The following CHN1 variants were observed in gnomAD, a reference collection of about 807,000 sequenced individuals.
CHN1 encodes chimerin 1.
In CHN1, 37 loss-of-function variants were observed where a neutral mutation model predicts 59.5. That is an observed-to-expected ratio of 0.62 (90% CI 0.48 to 0.82). The LOEUF (loss-of-function observed/expected upper bound fraction) is 0.82, where lower values mean the gene tolerates loss of function less well. CHN1 is among the 40% of genes least tolerant of loss of function. CHN1 has a pLI of 0.00. For synonymous variants in CHN1, 206 were observed against 200.4 expected, an observed-to-expected ratio of 1.03 and a Z score of -0.24; for missense variants, 469 against 571.0, an observed-to-expected ratio of 0.82 and a Z score of 1.82.
At position 174,944,855 on chromosome 2, in the gene CHN1, G is replaced by C. The variant is rs554435506; in HGVS notation, c.114+33C>G. The C allele has an allele frequency of 1.3e-5, 20 of 1,528,594 alleles. No homozygotes were observed. The African/African-American group carries it at 1.6e-4, about 13-fold the overall frequency. 94.7% of individuals were successfully genotyped at this position (1,528,594 alleles called of 1,614,324 possible). A position where few individuals can be genotyped will look rare whatever the true frequency, so the allele number is the denominator to read the frequency against. ...AAGTTTGGGAAACAGATGGTTGAGA[G>C]ACATTTTTTGGTAGCAGTTTCATTA... On this transcript the variant is annotated intron_variant, in intron 3 of 12. Coordinates refer to ENST00000409900, the MANE Select transcript of CHN1 (RefSeq NM_001822.7).
intron 6 of CHN1, among the ~76,000 whole-genome samples, chr2:174,853,950 G>A (rs1686822804): frequency 6.6e-6 from 1 of 152,156 alleles, no homozygotes; most frequent in South Asian, 2.1e-4. Flanking sequence ...AGAAGGGAGA[G>A]GGTGGGATGC....
At chr2:175,001,923 T>C (rs926789007) in intron 1 of CHN1, among the ~76,000 whole-genome samples, 2 of 152,242 alleles carry the variant, frequency 1.3e-5, no homozygotes, top group African/African-American at 4.8e-5. Flanking sequence ...TCCCAGTAAT[T>C]ACTAGAAAAC....
chr2:174,945,930 T>C (rs1264557224), intron 2 of CHN1, among the ~76,000 whole-genome samples: 2 of 151,234 alleles, frequency 1.3e-5, no homozygotes, highest in Admixed American at 6.6e-5. Context: ...TGTGTGTGTG[T>C]GTATATATAT....
rs539940747 is a variant in CHN1 at position 174,928,960 on chromosome 2, T to C, written c.115-10395A>G. On this transcript the variant is annotated intron_variant, in intron 3 of 12. Coordinates refer to ENST00000409900, the MANE Select transcript of CHN1 (RefSeq NM_001822.7). The stretch of plus-strand genomic sequence containing the variant: ...GAGGAATACTTATAAAAGACCTACA[T>C]AGAGTTGGAAGTGACTTACAGGGAA... 3.9e-5 allele frequency among the ~76,000 whole-genome samples: 6 copies of C among 152,242 alleles called. No individual in the cohort carries two copies. In the East Asian group the frequency reaches 7.7e-4, roughly 20 times the overall value.
chr2:174,922,661 C>A (rs1689047670), intron 3 of CHN1, among the ~76,000 whole-genome samples: 1 of 152,122 alleles, frequency 6.6e-6, no homozygotes, highest in Non-Finnish European at 1.5e-5. Flanking sequence ...ACTGCACTCT[C>A]AGCCTGAGTG....
At chr2:174,822,441 C>T (rs765564870) in intron 8 of CHN1, among the ~76,000 whole-genome samples, 7 of 152,142 alleles carry the variant, frequency 4.6e-5, no homozygotes, top group Non-Finnish European at 8.8e-5. Context: ...TTCATAGGTG[C>T]TGTACCTATT....
intron 1 of CHN1, among the ~76,000 whole-genome samples, chr2:174,972,427 C>T (rs1690788254): frequency 1.3e-5 from 2 of 152,174 alleles, no homozygotes; most frequent in Admixed American, 1.3e-4. Flanking sequence ...TCAAATTCCC[C>T]TAAGCTAAAC....
At chr2:174,899,032 T>G (rs1688305429) in intron 5 of CHN1, among the ~76,000 whole-genome samples, 1 of 152,162 alleles carries the variant, frequency 6.6e-6, no homozygotes, top group African/African-American at 2.4e-5. Context: ...GTCACAGAGC[T>G]TTAAAACTCC....
intron 3 of CHN1, among the ~76,000 whole-genome samples, chr2:174,923,793 T>C (rs1440287054): frequency 1.3e-5 from 2 of 152,210 alleles, no homozygotes; most frequent in African/African-American, 2.4e-5. Context: ...TAAGTAATCA[T>C]CTTCAGAAAA....
chr2:175,005,263 T>TGGCGGC lies in CHN1; in HGVS notation c.-357_-352dup, dbSNP rs749234310. The TGGCGGC allele has an allele frequency of 1.3e-4, 134 of 1,032,406 alleles. No homozygotes were observed. The highest frequency in any genetic ancestry group is 1.4e-4 in the Non-Finnish European group (112 of 828,314). 64.0% of individuals were successfully genotyped at this position (1,032,406 alleles called of 1,614,324 possible). Reference sequence around the variant, plus strand: ...GGCTGGCGGAGAGGCGGCGCCGCACTGGCGGCGGCGGCGGCGGCGACGGGG... The same window carrying TGGCGGC: ...GGCTGGCGGAGAGGCGGCGCCGCACTGGCGGCGGCGGCGGCGGCGGCGGCGACGGGG... On this transcript the variant is annotated 5_prime_UTR_variant, in exon 1 of 13. Transcript: ENST00000409900.
chr2:174,939,369 C>G (rs1689591221), intron 3 of CHN1, among the ~76,000 whole-genome samples: 1 of 152,176 alleles, frequency 6.6e-6, no homozygotes, highest in African/African-American at 2.4e-5. Flanking sequence ...CTGGATCATA[C>G]TGGCCTTCAG....
At position 174,803,025 on chromosome 2, in the gene CHN1, C is replaced by A. The variant is rs553179364; in HGVS notation, c.1103-1213G>T. 9.9e-5 allele frequency among the ~76,000 whole-genome samples: 15 copies of A among 151,834 alleles called. No homozygotes were observed. The South Asian group carries it at 3.1e-3, about 32-fold the overall frequency. Reference sequence around the variant, plus strand: ...TGTGCTCTAAGCCTGGGTGACAGAGCAAGAATCCATCTTGGGGGGGAATTA... The same window carrying A: ...TGTGCTCTAAGCCTGGGTGACAGAGAAAGAATCCATCTTGGGGGGGAATTA... On this transcript the variant is annotated intron_variant, in intron 11 of 12. Transcript: ENST00000409900.
chr2:174,888,636 G>A (rs1436774928), intron 5 of CHN1, among the ~76,000 whole-genome samples: 1 of 152,158 alleles, frequency 6.6e-6, no homozygotes. Flanking sequence ...CCAGAAGGAG[G>A]TGCATTGAAA....
chr2:174,874,734 T>G (rs757717814), intron 6 of CHN1, among the ~76,000 whole-genome samples: 4 of 152,136 alleles, frequency 2.6e-5, no homozygotes, highest in Non-Finnish European at 5.9e-5. Context: ...ACATTATTTT[T>G]CAAAAATGTT....
chr2:174,931,849 G>C (rs553689521), intron 3 of CHN1, among the ~76,000 whole-genome samples: 3 of 152,264 alleles, frequency 2.0e-5, no homozygotes, highest in African/African-American at 7.2e-5. Flanking sequence ...AGAAGTCAGC[G>C]GGAGGGCTGA....
intron 3 of CHN1, among the ~76,000 whole-genome samples, chr2:174,943,031 T>C (rs1689713332): frequency 6.6e-6 from 1 of 151,196 alleles, no homozygotes; most frequent in Non-Finnish European, 1.5e-5. Flanking sequence ...GCCTGGGAGA[T>C]AAAGCAAGAC....
rs139174028 is a variant in CHN1, at chr2:175,002,711, T to C, written c.19+2183A>G. ...AGTCGTTACTCTGGGGAGCCTCAGGTATAAACTCTGCTGAGCTCTGACAAA... is the reference window on the plus strand; with the variant it reads ...AGTCGTTACTCTGGGGAGCCTCAGGCATAAACTCTGCTGAGCTCTGACAAA... On this transcript the variant is annotated intron_variant, in intron 1 of 12. Transcript: ENST00000409900. Among the ~76,000 whole-genome samples, 10 of 152,246 alleles carry C rather than the reference T, an allele frequency of 6.6e-5. No individual in the cohort carries two copies. The East Asian group carries it at 1.9e-3, about 29-fold the overall frequency.
chr2:174,892,021 A>G (rs565578032), intron 5 of CHN1, among the ~76,000 whole-genome samples: 1 of 152,326 alleles, frequency 6.6e-6, no homozygotes, highest in South Asian at 2.1e-4. Context: ...ATTCACATAA[A>G]CATATAACCT....
intron 3 of CHN1, among the ~76,000 whole-genome samples, chr2:174,931,372 C>T (rs1345514642): frequency 2.0e-5 from 3 of 152,190 alleles, no homozygotes; most frequent in Non-Finnish European, 4.4e-5. Context: ...AGTGGCCAAA[C>T]TCTAATTTCA....
Sources: allele counts gnomAD v4.1 joint callset (sites outside exome capture counted in the v4.1 genomes callset), GRCh38; gene constraint gnomAD v4.1.1; transcripts MANE v1.5; gene names NCBI Gene and HGNC (gene_info 2026-07-23, HGNC 2026-07-21).